Variants in PCDHA3 observed in about 807,000 individuals in gnomAD.
PCDHA3 encodes the protein protocadherin alpha 3.
Under a neutral mutation model 62.2 loss-of-function variants are expected in PCDHA3, and 41 were observed. The observed-to-expected ratio is 0.66, with a 90% CI of 0.51 to 0.86. The LOEUF (loss-of-function observed/expected upper bound fraction) is 0.86, where lower values mean the gene tolerates loss of function less well. PCDHA3 is among the 40% of genes least tolerant of loss of function. The pLI, the probability that PCDHA3 is intolerant of heterozygous loss-of-function variation, is 0.00. For synonymous variants in PCDHA3, 640 were observed against 555.4 expected, an observed-to-expected ratio of 1.15 and a Z score of -2.14; for missense variants, 1,304 against 1,241.2, an observed-to-expected ratio of 1.05 and a Z score of -0.76.
intron 1 of PCDHA3, among the ~76,000 whole-genome samples, chr5:140,949,636 T>C (rs1047386786): frequency 1.3e-5 from 2 of 151,898 alleles, no homozygotes; most frequent in Non-Finnish European, 3.0e-5. Context: ...GGCATATTGC[T>C]TTTTGTTCAT....
chr5:140,969,408 T>C (rs2096327357), intron 1 of PCDHA3: 6 of 1,573,824 alleles, frequency 3.8e-6, no homozygotes, highest in Non-Finnish European at 5.2e-6. Flanking sequence ...GATTTGGCTT[T>C]ATTGAGTCAT....
chr5:140,835,906 T>G (rs2150248059), intron 1 of PCDHA3: 2 of 1,612,190 alleles, frequency 1.2e-6, no homozygotes, highest in Admixed American at 1.7e-5. Flanking sequence ...TCGAGCTACG[T>G]GTCAGTGCAC....
intron 3 of PCDHA3, among the ~76,000 whole-genome samples, chr5:141,007,754 T>C (rs991882656): frequency 6.6e-6 from 1 of 152,172 alleles, no homozygotes; most frequent in African/African-American, 2.4e-5. Flanking sequence ...AACTTTGGAC[T>C]CTTATTGGCC....
At position 140,877,186 on chromosome 5, in the gene PCDHA3, A is replaced by C; in HGVS notation, c.2394+73595A>C. On this transcript the variant is annotated intron_variant, in intron 1 of 3. Coordinates refer to ENST00000522353, the MANE Select transcript of PCDHA3 (RefSeq NM_018906.3). The stretch of plus-strand genomic sequence containing the variant: ...GGCACTGCTGGCGACTCCGGCTGGC[A>C]GCGCAGGAGGCGCAGTTAGCGAGTT... 1 of 1,613,832 alleles carries C rather than the reference A, an allele frequency of 6.2e-7. No homozygotes were observed. Among genetic ancestry groups the C allele is most frequent in the Non-Finnish European group, 8.5e-7 (1 of 1,179,822 alleles).
intron 1 of PCDHA3, chr5:140,884,308 G>C: frequency 6.2e-7 from 1 of 1,613,766 alleles, no homozygotes; most frequent in Non-Finnish European, 8.5e-7. Flanking sequence ...AGGCTTCGTC[G>C]AGGGCGTCGG....
chr5:140,918,621 T>C (rs1162983414), intron 1 of PCDHA3, among the ~76,000 whole-genome samples: 1 of 152,228 alleles, frequency 6.6e-6, no homozygotes, highest in Non-Finnish European at 1.5e-5. Flanking sequence ...AATGTTTGTG[T>C]TCCCCAAATT....
chr5:140,823,191 C>T lies in PCDHA3; in HGVS notation c.2394+19600C>T, dbSNP rs2150123278. 1.1e-5 allele frequency: 18 copies of T among 1,613,916 alleles called. No individual in the cohort carries two copies. In the South Asian group the frequency reaches 1.5e-4, roughly 14 times the overall value. ...AGGAGAACAACCCGCCAGGCTGCCA[C>T]ATCTTCACGGTGTCTGCACGGGACG... is the stretch of plus-strand genomic sequence containing the variant. On this transcript the variant is annotated intron_variant, in intron 1 of 3. Coordinates refer to ENST00000522353, the MANE Select transcript of PCDHA3 (RefSeq NM_018906.3).
At chr5:140,995,281 A>G (rs1159938577) in intron 3 of PCDHA3, among the ~76,000 whole-genome samples, 1 of 152,144 alleles carries the variant, frequency 6.6e-6, no homozygotes. Context: ...TGATACCAAA[A>G]CAGCCAGTCG....
At chr5:140,821,580 C>A in intron 1 of PCDHA3, 1 of 612,866 alleles carries the variant, frequency 1.6e-6, no homozygotes, top group Non-Finnish European at 2.6e-6. Context: ...GAAGGTTTTT[C>A]TCCCTTCCCA....
intron 1 of PCDHA3, among the ~76,000 whole-genome samples, chr5:140,891,310 G>A (rs1361380938): frequency 6.6e-6 from 1 of 152,030 alleles, no homozygotes; most frequent in Non-Finnish European, 1.5e-5. Flanking sequence ...GATTACATGA[G>A]TAAGTTCTTT....
At position 140,987,008 on chromosome 5, in the gene PCDHA3, G is replaced by A. The variant is rs958548514; in HGVS notation, c.2542+4445G>A. 2.6e-5 allele frequency among the ~76,000 whole-genome samples: 4 copies of A among 152,260 alleles called. No individual in the cohort carries two copies. The South Asian group carries it at 6.2e-4, about 24-fold the overall frequency. On this transcript the variant is annotated intron_variant, in intron 3 of 3. Transcript: ENST00000522353. ...GCAGGCAGATCACTTGAGGTCATGA[G>A]TTCGAGACCAGCCTGGTCAACATGG... is the stretch of plus-strand genomic sequence containing the variant.
intron 1 of PCDHA3, among the ~76,000 whole-genome samples, chr5:140,936,326 AT>A: frequency 6.6e-6 from 1 of 152,256 alleles, no homozygotes; most frequent in South Asian, 2.1e-4. Flanking sequence ...CATGCTATAA[AT>A]TTTCTCTATC....
At chr5:140,847,798 C>G (rs1359098048) in intron 1 of PCDHA3, 1 of 149,600 alleles carries the variant, frequency 6.7e-6, no homozygotes, top group Non-Finnish European at 1.5e-5. Context: ...TATTTTATAC[C>G]TTTTCAATTC....
chr5:140,945,048 A>G (rs2093731802), intron 1 of PCDHA3, among the ~76,000 whole-genome samples: 1 of 152,182 alleles, frequency 6.6e-6, no homozygotes, highest in South Asian at 2.1e-4. Context: ...GGTCTTATAT[A>G]AAGAAAACCC....
intron 3 of PCDHA3, among the ~76,000 whole-genome samples, chr5:141,003,468 C>T (rs2098126270): frequency 6.6e-6 from 1 of 152,066 alleles, no homozygotes; most frequent in Non-Finnish European, 1.5e-5. Context: ...TGCACCACCA[C>T]AGTCTCGCTA....
intron 1 of PCDHA3, among the ~76,000 whole-genome samples, chr5:140,961,978 G>T (rs1336878095): frequency 6.6e-6 from 1 of 151,828 alleles, no homozygotes; most frequent in Non-Finnish European, 1.5e-5. Context: ...CCGCCTCCTG[G>T]GTTCACGCCA....
chr5:141,006,726 A>G (rs2098284944), intron 3 of PCDHA3, among the ~76,000 whole-genome samples: 1 of 152,172 alleles, frequency 6.6e-6, no homozygotes, highest in African/African-American at 2.4e-5. Flanking sequence ...CAGAAATGAC[A>G]GGTCTTGATG....
At chr5:140,870,912 C>A in intron 1 of PCDHA3, 1 of 1,613,952 alleles carries the variant, frequency 6.2e-7, no homozygotes, top group South Asian at 1.1e-5. Context: ...CAGGCTACAA[C>A]GCGTGGCTTT....
intron 1 of PCDHA3, chr5:140,807,043 CCTT>C (rs1260892226): frequency 1.0e-6 from 1 of 988,186 alleles, no homozygotes; most frequent in Non-Finnish European, 1.5e-6. Flanking sequence ...AGGGAAAATT[CCTT>C]CTATTCTTAC....
Sources: allele counts gnomAD v4.1 joint callset (sites outside exome capture counted in the v4.1 genomes callset), GRCh38; gene constraint gnomAD v4.1.1; transcripts MANE v1.5; gene names NCBI Gene and HGNC (gene_info 2026-07-23, HGNC 2026-07-21).